The following BACE2 variants were observed in gnomAD, a reference collection of about 807,000 sequenced individuals.
BACE2 encodes 56 kDa aspartic-like protease.
BACE2 carries 17 observed loss-of-function variants against 46.2 expected under a neutral mutation model. The observed-to-expected ratio is 0.37, with a 90% CI of 0.25 to 0.55. BACE2 has a LOEUF of 0.55. BACE2 is among the 20% of genes least tolerant of loss of function. The pLI is 0.82. For synonymous variants in BACE2, 277 were observed against 295.9 expected, an observed-to-expected ratio of 0.94 and a Z score of 0.66; for missense variants, 595 against 698.1, an observed-to-expected ratio of 0.85 and a Z score of 1.66.
intron 8 of BACE2, among the ~76,000 whole-genome samples, chr21:41,262,594 G>T (rs1034432014): frequency 3.3e-5 from 5 of 152,082 alleles, no homozygotes; most frequent in Non-Finnish European, 7.4e-5. Flanking sequence ...TGAACTTACA[G>T]AATTAACTTG....
intron 1 of BACE2, among the ~76,000 whole-genome samples, chr21:41,174,277 C>T (rs750391091): frequency 4.0e-5 from 6 of 151,382 alleles, no homozygotes; most frequent in Non-Finnish European, 8.8e-5. Flanking sequence ...TGAGTAGCTG[C>T]GACTACAGGT....
Position 41,260,750 on chromosome 21 carries a change from T to C in BACE2, c.1303+3424T>C, listed in dbSNP as rs146289059. Among the ~76,000 whole-genome samples the C allele has an allele frequency of 3.2e-4, 49 of 152,268 alleles. 2 individuals carry two copies. The East Asian group carries it at 8.5e-3, about 26-fold the overall frequency. On this transcript the variant is annotated intron_variant, in intron 8 of 8. Transcript: ENST00000330333. Reference sequence around the variant, plus strand: ...ATGTTCTCACTGCTGCCCCACTCCGTTGGTCGCACAGAATGACCCTGATAT... The same window carrying C: ...ATGTTCTCACTGCTGCCCCACTCCGCTGGTCGCACAGAATGACCCTGATAT...
intron 5 of BACE2, among the ~76,000 whole-genome samples, chr21:41,244,782 A>G (rs1344696854): frequency 1.3e-5 from 2 of 152,172 alleles, no homozygotes; most frequent in Non-Finnish European, 2.9e-5. Flanking sequence ...ATCTGTGTTT[A>G]TTGTCAAGAG....
chr21:41,173,877 A>C (rs1160044484), intron 1 of BACE2, among the ~76,000 whole-genome samples: 1 of 152,200 alleles, frequency 6.6e-6, no homozygotes, highest in Non-Finnish European at 1.5e-5. Flanking sequence ...ATGAGTAATA[A>C]ACACTTATGT....
intron 6 of BACE2, 179 bp downstream of exon 6, chr21:41,246,242 T>C (rs1178089164): frequency 2.8e-6 from 1 of 351,866 alleles, no homozygotes; most frequent in African/African-American, 2.1e-5. Context: ...ATATATTTTA[T>C]ATGTATTTAA....
rs867436473 is a variant in BACE2, at chr21:41,275,895, G to A, written c.*271G>A. ...TTGGGCTGCAGGCTCTATGGGGTTC[G>A]TTATGCCAAAGTGTCTACATGTGCC... On this transcript the variant is annotated 3_prime_UTR_variant, in exon 9 of 9. Transcript: ENST00000330333. 1.8e-5 allele frequency: 8 copies of A among 442,218 alleles called. No homozygotes were observed. The South Asian group carries it at 1.9e-4, about 11-fold the overall frequency. 27.4% of individuals were successfully genotyped at this position (442,218 alleles called of 1,614,324 possible). A position where few individuals can be genotyped will look rare whatever the true frequency, so the allele number is the denominator to read the frequency against.
At chr21:41,259,523 A>G (rs955294455) in intron 8 of BACE2, among the ~76,000 whole-genome samples, 3 of 151,984 alleles carry the variant, frequency 2.0e-5, no homozygotes, top group African/African-American at 7.2e-5. Context: ...ATCATATACT[A>G]TGTGTGCATT....
intron 8 of BACE2, among the ~76,000 whole-genome samples, chr21:41,258,242 G>A (rs939851086): frequency 3.9e-5 from 6 of 152,192 alleles, no homozygotes; most frequent in Admixed American, 1.3e-4. Flanking sequence ...TAAGTGTGAG[G>A]TCAAAAAAGA....
At chr21:41,222,763 C>T (rs1486200175) in intron 1 of BACE2, among the ~76,000 whole-genome samples, 1 of 152,200 alleles carries the variant, frequency 6.6e-6, no homozygotes, top group African/African-American at 2.4e-5. Flanking sequence ...CCCCCACAGA[C>T]TCCTTGGAGG....
intron 2 of BACE2, chr21:41,230,259 A>G (rs573087243): frequency 1.3e-5 from 2 of 152,228 alleles, no homozygotes; most frequent in South Asian, 4.1e-4. Context: ...CCCTGCTACC[A>G]TGCTTGCTTT....
chr21:41,211,247 G>A (rs979243488), intron 1 of BACE2, among the ~76,000 whole-genome samples: 1 of 146,690 alleles, frequency 6.8e-6, no homozygotes, highest in Non-Finnish European at 1.5e-5. Context: ...AGGTATCCAT[G>A]TGTCTCTCAA....
chr21:41,237,300 G>T (rs1987150971), intron 2 of BACE2, among the ~76,000 whole-genome samples: 1 of 152,096 alleles, frequency 6.6e-6, no homozygotes, highest in African/African-American at 2.4e-5. Context: ...ACAAAAATTA[G>T]CTGGGCGTGG....
chr21:41,196,546 TGCAAGTGAGAATA>T lies in BACE2; in HGVS notation c.312+27977_312+27989del, dbSNP rs767596041. 1.6e-3 allele frequency among the ~76,000 whole-genome samples: 248 copies of T among 152,370 alleles called. 3 individuals are homozygous for T. The highest frequency in any genetic ancestry group is 2.7e-3 in the South Asian group (13 of 4,834). On this transcript the variant is annotated intron_variant, in intron 1 of 8. Coordinates refer to ENST00000330333, the MANE Select transcript of BACE2 (RefSeq NM_012105.5). ...AATGATTGAGAATATCTTTAGATAC[TGCAAGTGAGAATA>T]GCAAGGTAGAGAAAAGAGGATAGAT... is the stretch of plus-strand genomic sequence containing the variant.
chr21:41,250,649 T>A (rs1987609870), intron 6 of BACE2, 103 bp from the exon 7 acceptor site: 1 of 1,012,594 alleles, frequency 9.9e-7, no homozygotes, highest in African/African-American at 1.6e-5. Context: ...AAACATTGTT[T>A]ATCCCTGTGG....
intron 1 of BACE2, among the ~76,000 whole-genome samples, chr21:41,205,199 A>G (rs963418209): frequency 3.3e-5 from 5 of 152,230 alleles, no homozygotes; most frequent in Admixed American, 2.0e-4. Context: ...TCAGGTGAGT[A>G]CTAGGATTTG....
chr21:41,205,136 A>T (rs1012044882), intron 1 of BACE2, among the ~76,000 whole-genome samples: 11 of 152,210 alleles, frequency 7.2e-5, no homozygotes, highest in African/African-American at 2.7e-4. Flanking sequence ...CGAAGATGAA[A>T]TTTTAGATTT....
At position 41,196,050 on chromosome 21, in the gene BACE2, T is replaced by C. The variant is rs562440153; in HGVS notation, c.312+27475T>C. Among the ~76,000 whole-genome samples, 6 of 152,214 alleles carry C rather than the reference T, an allele frequency of 3.9e-5. No individual in the cohort carries two copies. In the South Asian group the frequency reaches 1.2e-3, roughly 32 times the overall value. ...CTGTAATCCCAGTACTTTGGGTGGC[T>C]GAGGCAGGCAGATCACTTGAGGTCA... is the stretch of plus-strand genomic sequence containing the variant. On this transcript the variant is annotated intron_variant, in intron 1 of 8. Transcript: ENST00000330333.
intron 8 of BACE2, among the ~76,000 whole-genome samples, chr21:41,264,226 T>C (rs1015783031): frequency 1.3e-5 from 2 of 151,954 alleles, no homozygotes; most frequent in Admixed American, 6.6e-5. Context: ...TTTTTTTTTC[T>C]TTTGAGTTTT....
intron 2 of BACE2, among the ~76,000 whole-genome samples, chr21:41,227,346 A>C (rs1376127469): frequency 6.6e-6 from 1 of 152,112 alleles, no homozygotes; most frequent in Non-Finnish European, 1.5e-5. Context: ...TCTTTTCCTG[A>C]CTTCCCTTTC....
Sources: allele counts gnomAD v4.1 joint callset (sites outside exome capture counted in the v4.1 genomes callset), GRCh38; gene constraint gnomAD v4.1.1; transcripts MANE v1.5; gene names NCBI Gene and HGNC (gene_info 2026-07-23, HGNC 2026-07-21).